ZHX2: variants seen among roughly 807,000 people sequenced by gnomAD.
ZHX2 encodes zinc fingers and homeoboxes 2.
A neutral mutation model predicts 21.9 loss-of-function variants in ZHX2; 6 were observed. The ratio of observed to expected loss-of-function variants is 0.27; its 90% CI spans 0.15 to 0.54. ZHX2 has a LOEUF of 0.54. Ranked by LOEUF, ZHX2 falls within the 20% of genes least tolerant of loss-of-function variation. The probability of loss-of-function intolerance (pLI) is 0.95; values close to 1 mark genes in which losing one functional copy is unlikely to be tolerated. For missense variants in ZHX2, 908 were observed against 1,090.7 expected, an observed-to-expected ratio of 0.83 and a Z score of 2.36; for synonymous variants, 434 against 437.1, an observed-to-expected ratio of 0.99 and a Z score of 0.09.
intron 1 of ZHX2, among the ~76,000 whole-genome samples, chr8:122,813,963 T>C (rs1817979892): frequency 6.6e-6 from 1 of 152,238 alleles, no homozygotes; most frequent in African/African-American, 2.4e-5. Context: ...TAGACATTCT[T>C]GTCCCCATTT....
intron 1 of ZHX2, among the ~76,000 whole-genome samples, chr8:122,859,468 A>G (rs1319740803): frequency 1.3e-5 from 2 of 152,226 alleles, no homozygotes; most frequent in African/African-American, 4.8e-5. Flanking sequence ...GGAAGGCGGC[A>G]TTAATTAGGG....
chr8:122,875,336 AAAG>A (rs948520140), intron 2 of ZHX2, among the ~76,000 whole-genome samples: 3 of 151,938 alleles, frequency 2.0e-5, no homozygotes. Context: ...CAAACAAAAC[AAAG>A]AAGAACAATA....
At chr8:122,781,445 T>G (rs1817281274), upstream of ZHX2, 1 of 152,220 alleles carries the variant, frequency 6.6e-6, no homozygotes, top group Admixed American at 6.5e-5. The surrounding 1 kb of genome is among the most constrained non-coding windows in gnomAD (Gnocchi z 4.6). Flanking sequence ...GGGCTCAGAC[T>G]TTTAAGTTAA....
intron 1 of ZHX2, among the ~76,000 whole-genome samples, chr8:122,809,624 G>A (rs999124823): frequency 3.3e-5 from 5 of 152,202 alleles, no homozygotes; most frequent in African/African-American, 1.2e-4. Context: ...CCCACTGTGA[G>A]TGCTTTTAGA....
chr8:122,798,557 G>A (rs1261147142), intron 1 of ZHX2, among the ~76,000 whole-genome samples: 1 of 152,074 alleles, frequency 6.6e-6, no homozygotes, highest in East Asian at 1.9e-4. Context: ...CTTTGGGAGG[G>A]TGAGGCCGAC....
intron 1 of ZHX2, among the ~76,000 whole-genome samples, chr8:122,860,421 A>G (rs1458372608): frequency 6.6e-6 from 1 of 152,160 alleles, no homozygotes; most frequent in Non-Finnish European, 1.5e-5. Context: ...AAATCCTTGC[A>G]TTCTGAAAAA....
At chr8:122,854,847 G>A (rs16897551) in intron 1 of ZHX2, among the ~76,000 whole-genome samples, 50,884 of 151,938 alleles carry the variant, frequency 0.33, 9,880 homozygotes, top group African/African-American at 0.54. Flanking sequence ...CCCTGTGGGC[G>A]TTTTTACTTA....
In ZHX2 at chr8:122,901,304, G is replaced by A. The variant is rs531697220; in HGVS notation, c.-220+37765G>A. 3.9e-5 allele frequency among the ~76,000 whole-genome samples: 6 copies of A among 152,292 alleles called. No individual in the cohort carries two copies. In the South Asian group the frequency reaches 1.2e-3, roughly 32 times the overall value. On this transcript the variant is annotated intron_variant, in intron 2 of 3. Coordinates refer to ENST00000314393, the MANE Select transcript of ZHX2 (RefSeq NM_014943.5). ...ACCTCCCCTGCTTCTGGAAGAAAAT[G>A]TCATTGTGCATCTGGATCACCTGGG...
At chr8:122,864,637 C>T (rs955094488) in intron 2 of ZHX2, among the ~76,000 whole-genome samples, 1 of 151,924 alleles carries the variant, frequency 6.6e-6, no homozygotes, top group African/African-American at 2.4e-5. Flanking sequence ...GACTCACCCA[C>T]CCCCCCACTC....
chr8:122,863,928 G>A (rs944980824), intron 2 of ZHX2, among the ~76,000 whole-genome samples: 2 of 152,086 alleles, frequency 1.3e-5, no homozygotes, highest in Non-Finnish European at 2.9e-5. Context: ...CCATGGCCCC[G>A]AGGAGACAGT....
intron 1 of ZHX2, among the ~76,000 whole-genome samples, chr8:122,793,587 G>C (rs1817563485): frequency 6.6e-6 from 1 of 152,192 alleles, no homozygotes; most frequent in Non-Finnish European, 1.5e-5. Flanking sequence ...TTGTCTGCTG[G>C]TCTTCAAGGG....
chr8:122,796,922 G>A (rs1048463973), intron 1 of ZHX2, among the ~76,000 whole-genome samples: 9 of 152,136 alleles, frequency 5.9e-5, no homozygotes, highest in Non-Finnish European at 1.0e-4. Context: ...TCCTAAGTCC[G>A]TGCTGTCTCC....
At chr8:122,850,198 G>A (rs888655118) in intron 1 of ZHX2, among the ~76,000 whole-genome samples, 4 of 151,844 alleles carry the variant, frequency 2.6e-5, no homozygotes, top group East Asian at 3.9e-4. Context: ...CCACATCCTC[G>A]CAAGAGCCCC....
At position 122,953,980 on chromosome 8, in the gene ZHX2, G is replaced by C. The variant is rs150570834; in HGVS notation, c.2470G>C (p.Glu824Gln). The C allele has an allele frequency of 8.1e-5, 130 of 1,612,588 alleles. No homozygotes were observed. The highest frequency in any genetic ancestry group is 1.1e-4 in the Non-Finnish European group (127 of 1,179,158). ...AAAEGVSELAESDSDCVPAEA... is the reference protein window; with the variant it reads ...AAAEGVSELAQSDSDCVPAEA... Reference sequence around the variant, plus strand: ...GGCAGAAGGTGTGTCGGAACTGGCTGAATCAGACTCCGACTGCGTCCCTGC... The same window carrying C: ...GGCAGAAGGTGTGTCGGAACTGGCTCAATCAGACTCCGACTGCGTCCCTGC... Residue 824 changes from glutamate (E) to glutamine (Q), a missense_variant, in exon 3 of 4, where the codon GAA becomes CAA. Transcript: ENST00000314393. The surrounding 1 kb of genome is among the most constrained non-coding windows in gnomAD (Gnocchi z 4.6).
chr8:122,885,991 G>T (rs1187775270), intron 2 of ZHX2, among the ~76,000 whole-genome samples: 1 of 152,108 alleles, frequency 6.6e-6, no homozygotes, highest in East Asian at 1.9e-4. Flanking sequence ...GTGTTTGAAA[G>T]GCTGCCAATT....
At chr8:122,858,286 A>G (rs180914474) in intron 1 of ZHX2, among the ~76,000 whole-genome samples, 169 of 152,050 alleles carry the variant, frequency 1.1e-3, no homozygotes, top group Admixed American at 3.8e-3. Flanking sequence ...GGAGCTTCTT[A>G]CTCGTCTGCT....
intron 1 of ZHX2, among the ~76,000 whole-genome samples, chr8:122,818,373 G>A (rs569669313): frequency 3.3e-5 from 5 of 151,866 alleles, no homozygotes; most frequent in African/African-American, 1.2e-4. Flanking sequence ...TCTGCAAGGC[G>A]AATATGACCA....
At chr8:122,799,511 G>A (rs753384786) in intron 1 of ZHX2, among the ~76,000 whole-genome samples, 6 of 152,174 alleles carry the variant, frequency 3.9e-5, no homozygotes, top group South Asian at 2.1e-4. Context: ...CAGAGAAGTC[G>A]TCTATTAAAT....
chr8:122,819,279 CCT>C (rs1818095190), intron 1 of ZHX2, among the ~76,000 whole-genome samples: 1 of 152,218 alleles, frequency 6.6e-6, no homozygotes, highest in Non-Finnish European at 1.5e-5. Context: ...CCACTCTGCA[CCT>C]CTGTTTCCTC....
Sources: gnomAD v4.1 joint callset for allele counts (sites outside exome capture counted in the v4.1 genomes callset) on GRCh38, gnomAD v4.1.1 for gene constraint, Gnocchi (gnomAD v3.1) non-coding constraint, MANE v1.5 for transcripts, NCBI Gene and HGNC (gene_info 2026-07-23, HGNC 2026-07-21) for gene names.